Variants in KDM4C observed in about 807,000 individuals in gnomAD.
KDM4C encodes lysine demethylase 4C, also known as lysine-specific demethylase 4C.
A neutral mutation model predicts 129.3 loss-of-function variants in KDM4C; 81 were observed. The observed-to-expected ratio is 0.63, with a 90% CI of 0.52 to 0.75. The LOEUF (loss-of-function observed/expected upper bound fraction) is 0.75. Among genes scored for constraint, KDM4C ranks in the 30% least tolerant of loss-of-function variants. KDM4C has a pLI of 0.00. For missense variants in KDM4C, 1,457 were observed against 1,304.0 expected (o/e 1.12, Z -1.81); for synonymous variants, 573 against 456.1 (o/e 1.26, Z -3.26).
chr9:6,847,943 A>C (rs1246847565), intron 4 of KDM4C, among the ~76,000 whole-genome samples: 1 of 152,224 alleles, frequency 6.6e-6, no homozygotes, highest in Non-Finnish European at 1.5e-5. Context: ...AAAACAGAAC[A>C]ACTCTAAAAG....
intron 8 of KDM4C, among the ~76,000 whole-genome samples, chr9:6,933,469 T>C (rs191491668): frequency 1.2e-4 from 18 of 152,344 alleles, no homozygotes; most frequent in Non-Finnish European, 1.9e-4. Flanking sequence ...GGGTCAACTT[T>C]CCTTTTGGAA....
chr9:6,894,139 C>G (rs371362081), intron 8 of KDM4C, among the ~76,000 whole-genome samples: 1 of 152,144 alleles, frequency 6.6e-6, no homozygotes. Flanking sequence ...ATCAGGTGAA[C>G]GTAGACAGAA....
intron 8 of KDM4C, among the ~76,000 whole-genome samples, chr9:6,952,408 T>G (rs1291569884): frequency 8.6e-6 from 1 of 115,736 alleles, no homozygotes; most frequent in Admixed American, 8.0e-5. Context: ...AGTGTGTATG[T>G]GTGTATATAT....
At chr9:6,877,335 A>G (rs2130739959) in intron 5 of KDM4C, among the ~76,000 whole-genome samples, 1 of 152,224 alleles carries the variant, frequency 6.6e-6, no homozygotes, top group Admixed American at 6.5e-5. Flanking sequence ...CAAGTAGCTG[A>G]GACTACAGGC....
intron 1 of KDM4C, among the ~76,000 whole-genome samples, chr9:6,736,639 C>T (rs1817536044): frequency 1.3e-5 from 2 of 152,170 alleles, no homozygotes. Flanking sequence ...GGAAGTCAGA[C>T]TATCTCTGTT....
chr9:7,032,927 C>T (rs1827020766), intron 15 of KDM4C, among the ~76,000 whole-genome samples: 1 of 152,212 alleles, frequency 6.6e-6, no homozygotes, highest in Non-Finnish European at 1.5e-5. Flanking sequence ...TTTTCCCTTT[C>T]ATATGTACTC....
chr9:6,749,207 T>A (rs571546956), intron 1 of KDM4C, among the ~76,000 whole-genome samples: 2 of 152,198 alleles, frequency 1.3e-5, no homozygotes, highest in Non-Finnish European at 2.9e-5. Context: ...TTAGTAGAAA[T>A]GGGGTTTCGC....
chr9:6,981,854 A>T (rs750165911), intron 9 of KDM4C: 4 of 280,872 alleles, frequency 1.4e-5, no homozygotes, highest in South Asian at 1.4e-4. Flanking sequence ...TATAAAAGTA[A>T]TATTTGTGCA....
At chr9:6,906,008 A>G (rs1818244794) in intron 8 of KDM4C, among the ~76,000 whole-genome samples, 1 of 152,212 alleles carries the variant, frequency 6.6e-6, no homozygotes, top group Admixed American at 6.5e-5. Flanking sequence ...CCCAGATTCA[A>G]ATGACTGAGT....
At chr9:7,002,694 C>A (rs899797644) in intron 12 of KDM4C, among the ~76,000 whole-genome samples, 7 of 152,170 alleles carry the variant, frequency 4.6e-5, no homozygotes, top group Non-Finnish European at 1.0e-4. Flanking sequence ...TTGTTGTACA[C>A]ATTACTAGTA....
At chr9:7,053,077 A>G (rs1212532088) in intron 17 of KDM4C, among the ~76,000 whole-genome samples, 3 of 152,234 alleles carry the variant, frequency 2.0e-5, no homozygotes, top group Non-Finnish European at 4.4e-5. Context: ...AAACAACACT[A>G]GTATAAAGCT....
intron 17 of KDM4C, among the ~76,000 whole-genome samples, chr9:7,050,001 G>A (rs1829921314): frequency 6.6e-6 from 1 of 151,996 alleles, no homozygotes; most frequent in South Asian, 2.1e-4. Context: ...CCACTGTACA[G>A]CATTTCAGGC....
intron 5 of KDM4C, among the ~76,000 whole-genome samples, chr9:6,861,573 T>C (rs1190375650): frequency 1.3e-5 from 2 of 152,196 alleles, no homozygotes; most frequent in Non-Finnish European, 2.9e-5. Flanking sequence ...ATCACAGATT[T>C]ATATTTGTTG....
chr9:6,838,921 C>G (rs1836385775), intron 4 of KDM4C, among the ~76,000 whole-genome samples: 1 of 152,158 alleles, frequency 6.6e-6, no homozygotes, highest in Non-Finnish European at 1.5e-5. Context: ...TATTAGAAGG[C>G]ACTGTTTTCT....
At chr9:7,043,546 G>A (rs1383899712) in intron 15 of KDM4C, among the ~76,000 whole-genome samples, 1 of 151,958 alleles carries the variant, frequency 6.6e-6, no homozygotes, top group Non-Finnish European at 1.5e-5. Flanking sequence ...TTTAATCATA[G>A]GCATGTAATG....
rs553731461 is a variant in KDM4C, at chr9:6,739,218, G to A, written c.49+18221G>A. On this transcript the variant is annotated intron_variant, in intron 1 of 17. Transcript: ENST00000536108. ...TTCCCGAGTAGCTGGGATTACAGGC[G>A]CCCACATCCATGCCCAGCTAATTTT... Among the ~76,000 whole-genome samples the A allele has an allele frequency of 9.1e-4, 138 of 151,806 alleles. 1 individual carries two copies. In the South Asian group the frequency reaches 0.017, roughly 19 times the overall value.
chr9:6,889,682 G>A (rs1254500399), intron 7 of KDM4C, among the ~76,000 whole-genome samples: 1 of 152,186 alleles, frequency 6.6e-6, no homozygotes, highest in African/African-American at 2.4e-5. Flanking sequence ...ACTTAAGTTG[G>A]ACTGTTACAA....
chr9:7,076,700 T>A lies in KDM4C; in HGVS notation c.2425-26985T>A, dbSNP rs1249077922. 6.0e-5 allele frequency: 75 copies of A among 1,247,796 alleles called. No homozygotes were observed. In the South Asian group the frequency reaches 6.3e-4, roughly 10 times the overall value. The allele number at this position is 1,247,796 out of a possible 1,614,324, so 77.3% of individuals were successfully genotyped here. ...CTCACACCTTTGTGTTTAATTTTTT[T>A]AAATTTCATTTGTTGACTTCCTATG... On this transcript the variant is annotated intron_variant, in intron 17 of 21. Coordinates refer to ENST00000381309, the MANE Select transcript of KDM4C (RefSeq NM_015061.6).
At chr9:7,128,854 G>C (rs1052865197) in intron 19 of KDM4C, among the ~76,000 whole-genome samples, 1 of 152,120 alleles carries the variant, frequency 6.6e-6, no homozygotes, top group African/African-American at 2.4e-5. Context: ...TGTCCCCTCA[G>C]CAAACACCTT....
Sources: gnomAD v4.1 joint callset for allele counts (sites outside exome capture counted in the v4.1 genomes callset) on GRCh38, gnomAD v4.1.1 for gene constraint, MANE v1.5 for transcripts, NCBI Gene and HGNC (gene_info 2026-07-23, HGNC 2026-07-21) for gene names.